The following HSPE1 variants were observed in gnomAD, a reference collection of about 807,000 sequenced individuals.
The protein encoded by HSPE1 is 10 kDa heat shock protein, mitochondrial.
HSPE1 carries 1 observed loss-of-function variant against 13.2 expected under a neutral mutation model. The observed-to-expected ratio is 0.08, with a 90% confidence interval of 0.03 to 0.36. The LOEUF is 0.36. HSPE1 is among the 10% of genes least tolerant of loss of function. The pLI is 0.99. For missense variants in HSPE1, 73 were observed against 118.7 expected (o/e 0.62, Z 1.79); for synonymous variants, 44 against 42.0 (o/e 1.05, Z -0.19).
At chr2:197,502,926 A>C in intron 2 of HSPE1, 113 bp from the exon 3 acceptor site, 2 of 661,850 alleles carry the variant, frequency 3.0e-6, no homozygotes, top group Non-Finnish European at 2.7e-6. Flanking sequence ...ATATATTTTT[A>C]ATATAATTGG....
At chr2:197,501,427 T>C in intron 2 of HSPE1, 189 bp downstream of exon 2, 1 of 616,640 alleles carries the variant, frequency 1.6e-6, no homozygotes, top group Non-Finnish European at 2.7e-6. Context: ...ATATGACCAA[T>C]GCTATGATGC....
intron 1 of HSPE1, 110 bp downstream of exon 1, chr2:197,500,549 C>A (rs371607988): frequency 1.4e-6 from 2 of 1,473,558 alleles, no homozygotes; most frequent in East Asian, 2.5e-5. Context: ...GGTGGCCACT[C>A]AGTGACCAGC....
chr2:197,501,767 C>A (rs1179428153), intron 2 of HSPE1, among the ~76,000 whole-genome samples: 184 of 128,220 alleles, frequency 1.4e-3, no homozygotes, highest in South Asian at 1.6e-3. Flanking sequence ...GATTCTGTCT[C>A]AAAAAAAAAA....
intron 1 of HSPE1, 72 bp downstream of exon 1, chr2:197,500,511 T>A: frequency 7.9e-7 from 1 of 1,267,106 alleles, no homozygotes; most frequent in Non-Finnish European, 1.1e-6. Context: ...CTGACGCCCC[T>A]CTTTTGTTGG....
chr2:197,500,816 G>A (rs1026982513), intron 1 of HSPE1: 10 of 586,876 alleles, frequency 1.7e-5, no homozygotes, highest in African/African-American at 1.5e-4. Context: ...TTTGACCTTG[G>A]AATAAACTAA....
At chr2:197,501,398 A>C (rs2086253316) in intron 2 of HSPE1, 160 bp downstream of exon 2, 2 of 820,696 alleles carry the variant, frequency 2.4e-6, no homozygotes, top group East Asian at 5.5e-5. Context: ...GAAATGACTA[A>C]TATAAAGTTG....
chr2:197,500,562 C>G, intron 1 of HSPE1, 123 bp downstream of exon 1: 1 of 1,430,706 alleles, frequency 7.0e-7, no homozygotes, highest in Non-Finnish European at 9.6e-7. Flanking sequence ...TGACCAGCGC[C>G]CGATGGCACC....
Position 197,503,125 on chromosome 2 carries a change from C to T in HSPE1, c.255C>T (p.Asp85=). The T allele has an allele frequency of 6.3e-7, 1 of 1,598,400 alleles. No homozygotes were observed. Among genetic ancestry groups the T allele is most frequent in the Non-Finnish European group, 8.6e-7 (1 of 1,166,264 alleles). The stretch of plus-strand genomic sequence containing the variant: ...GAGGCACCAAAGTAGTTCTAGATGA[C>T]AAGGTGTGTAAACTTAATAATTCTA... The part of the protein sequence containing the change: ...EYGGTKVVLD[D]KDYFLFRDGD... The change falls in exon 3 of 4, where the codon GAC becomes GAT. Residue 85 remains aspartate (D), a synonymous_variant. Coordinates refer to ENST00000233893, the MANE Select transcript of HSPE1 (RefSeq NM_002157.3).
chr2:197,501,304 G>C (rs1307975554), intron 2 of HSPE1, 66 bp downstream of exon 2: 5 of 1,496,608 alleles, frequency 3.3e-6, no homozygotes, highest in Non-Finnish European at 4.5e-6. Flanking sequence ...AGTAATTCTG[G>C]AGTATTAAAA....
At chr2:197,503,149 TA>T in intron 3 of HSPE1, 21 bp downstream of exon 3, 2 of 1,583,224 alleles carry the variant, frequency 1.3e-6, no homozygotes, top group South Asian at 1.1e-5. Context: ...TTAATAATTC[TA>T]AAAAGAAGTC....
At chr2:197,500,803 A>G (rs1270270214) in intron 1 of HSPE1, 4 of 582,030 alleles carry the variant, frequency 6.9e-6, no homozygotes. Context: ...AAGAAGGAAA[A>G]CATTTGACCT....
At chr2:197,500,989 T>G in intron 1 of HSPE1, 85 bp from the exon 2 acceptor site, 1 of 1,491,582 alleles carries the variant, frequency 6.7e-7, no homozygotes, top group Non-Finnish European at 9.1e-7. Flanking sequence ...AGCCAAAACG[T>G]GTTGAGATGT....
At chr2:197,500,482 C>CT in intron 1 of HSPE1, 43 bp downstream of exon 1, 1 of 1,557,758 alleles carries the variant, frequency 6.4e-7, no homozygotes, top group Non-Finnish European at 8.7e-7. Context: ...CCGGGCCTGT[C>CT]TGAGGCGTAC....
chr2:197,501,475 C>T, intron 2 of HSPE1: 1 of 418,954 alleles, frequency 2.4e-6, no homozygotes, highest in East Asian at 5.0e-5. Flanking sequence ...TAAAAATTGT[C>T]CTCAATAGGC....
At chr2:197,501,956 A>G (rs1238849197) in intron 2 of HSPE1, among the ~76,000 whole-genome samples, 2 of 152,162 alleles carry the variant, frequency 1.3e-5, no homozygotes, top group Non-Finnish European at 2.9e-5. Flanking sequence ...CAGGAGTTCA[A>G]AATCAGTCTG....
rs776654956 is a variant in HSPE1 at position 197,501,132 on chromosome 2, G to A, written c.62G>A (p.Ser21Asn). 1 of 1,614,148 alleles carries A rather than the reference G, an allele frequency of 6.2e-7. No individual in the cohort carries two copies. The highest frequency in any genetic ancestry group is 2.2e-5 in the East Asian group (1 of 44,880). ...PLFDRVLVERSAAETVTKGGI... is the reference protein window; with the variant it reads ...PLFDRVLVERNAAETVTKGGI... ...TTTGACCGAGTATTGGTTGAAAGGA[G>A]TGCTGCTGAAACTGTAACCAAAGGA... Residue 21 changes from serine to asparagine, a missense_variant, in exon 2 of 4, where the codon AGT (serine) becomes AAT (asparagine). By Grantham distance (46) the Ser-to-Asn change is conservative. Transcript: ENST00000233893.
At chr2:197,500,579 C>G in intron 1 of HSPE1, 140 bp downstream of exon 1, 1 of 1,289,950 alleles carries the variant, frequency 7.8e-7, no homozygotes, top group Non-Finnish European at 1.1e-6. Context: ...CACCTTGGAG[C>G]GGCAAGGCCC....
intron 2 of HSPE1, 149 bp downstream of exon 2, chr2:197,501,387 G>T: frequency 1.1e-6 from 1 of 896,678 alleles, no homozygotes; most frequent in South Asian, 2.0e-5. Context: ...TTTCTTAAAG[G>T]GAAATGACTA....
intron 1 of HSPE1, 100 bp from the exon 2 acceptor site, chr2:197,500,974 T>G (rs1432000323): frequency 6.3e-6 from 9 of 1,422,354 alleles, no homozygotes; most frequent in Non-Finnish European, 8.6e-6. Context: ...GGTGTTAACT[T>G]TCAAAGCCAA....
Sources: allele counts gnomAD v4.1 joint callset (sites outside exome capture counted in the v4.1 genomes callset), GRCh38; gene constraint gnomAD v4.1.1; transcripts MANE v1.5; gene names NCBI Gene and HGNC (gene_info 2026-07-23, HGNC 2026-07-21).